Variants in BPTF observed in about 807,000 individuals in gnomAD.
BPTF encodes the protein bromodomain PHD finger transcription factor, also known as nucleosome-remodeling factor subunit BPTF.
In BPTF, 18 loss-of-function variants were observed where a neutral mutation model predicts 292.5. The ratio of observed to expected loss-of-function variants is 0.06; its 90% CI spans 0.04 to 0.09. The LOEUF is 0.09. BPTF is among the 10% of genes least tolerant of loss of function. The pLI is 1.00. For synonymous variants in BPTF, 1,225 were observed against 1,251.9 expected, an observed-to-expected ratio of 0.98 and a Z score of 0.45; for missense variants, 2,726 against 3,498.7, an observed-to-expected ratio of 0.78 and a Z score of 5.57.
At chr17:67,963,252 T>C (rs1450063626) in intron 24 of BPTF, 26 of 1,386,868 alleles carry the variant, frequency 1.9e-5, no homozygotes, top group Non-Finnish European at 2.0e-5. Context: ...AAAAAGTGAA[T>C]CAAGGCAGGG....
intron 3 of BPTF, among the ~76,000 whole-genome samples, chr17:67,874,479 A>G (rs996739210): frequency 8.5e-5 from 13 of 152,160 alleles, no homozygotes; most frequent in African/African-American, 2.9e-4. Context: ...CTGTGGGTCT[A>G]TGTCAGCTTG....
chr17:67,937,068 A>G (rs2064970397), intron 18 of BPTF, among the ~76,000 whole-genome samples: 1 of 152,224 alleles, frequency 6.6e-6, no homozygotes, highest in Non-Finnish European at 1.5e-5. Flanking sequence ...AGTCTAGTGG[A>G]AAAGGTAGAT....
intron 9 of BPTF, among the ~76,000 whole-genome samples, chr17:67,907,266 T>C (rs1482705030): frequency 6.6e-6 from 1 of 151,772 alleles, no homozygotes; most frequent in Non-Finnish European, 1.5e-5. Context: ...ATTTTTTTTT[T>C]TTTTTTGTAA....
At chr17:67,895,222 A>T (rs758880028) in intron 7 of BPTF, among the ~76,000 whole-genome samples, 1 of 150,816 alleles carries the variant, frequency 6.6e-6, no homozygotes, top group Non-Finnish European at 1.5e-5. Flanking sequence ...AGTCCCAGGT[A>T]CTCGGGAGGC....
In BPTF at chr17:67,912,188, A is replaced by G. The variant is rs763071931; in HGVS notation, c.4304A>G (p.Asn1435Ser). The G allele has an allele frequency of 1.2e-6, 2 of 1,610,892 alleles. No individual in the cohort carries two copies. Among genetic ancestry groups the G allele is most frequent in the Admixed American group, 1.7e-5 (1 of 59,622 alleles). Residue 1435 changes from asparagine (N) to serine (S), a missense_variant, in exon 11 of 28, where the codon AAT becomes AGT. Physicochemically the swap from Asn to Ser is conservative, Grantham distance 46. Coordinates refer to ENST00000306378, the MANE Select transcript of BPTF (RefSeq NM_182641.4). ...TCTGAGAGTAGAGTAGTAAGTGGTA[A>G]TGTTGAACCAAAGGTTAATAATATA... ...EISESRVVSG[N>S]VEPKVNNINK... is the part of the protein sequence containing the mutation.
In BPTF at chr17:67,975,650, G is replaced by A; in HGVS notation, c.8540-122G>A. 4 of 786,298 alleles carry A rather than the reference G, an allele frequency of 5.1e-6. No homozygotes were observed. The Admixed American group carries it at 1.0e-4, about 21-fold the overall frequency. The allele number at this position is 786,298 out of a possible 1,614,324, so 48.7% of individuals were successfully genotyped here. A position where few individuals can be genotyped will look rare whatever the true frequency, so the allele number is the denominator to read the frequency against. The stretch of plus-strand genomic sequence containing the variant: ...TGAATTGCAAAATAACCTCCAGGGT[G>A]AACCAGCCTGGCTCCAGGACTGCTT... On this transcript the variant is annotated intron_variant, in intron 26 of 27. Transcript: ENST00000306378.
chr17:67,933,788 G>A (rs2064647294), intron 18 of BPTF, among the ~76,000 whole-genome samples: 1 of 152,164 alleles, frequency 6.6e-6, no homozygotes, highest in Admixed American at 6.5e-5. Context: ...CCCAGGCGCA[G>A]TGGCTCATGC....
In BPTF at chr17:67,928,369, G is replaced by T. The variant is rs1381431093; in HGVS notation, c.5766G>T (p.Gln1922His). Residue 1922 changes from glutamine to histidine, a missense_variant, in exon 16 of 28, where the codon CAG (glutamine) becomes CAT (histidine). By Grantham distance (24) the Gln-to-His change is conservative (BLOSUM62 0). Transcript: ENST00000306378. ...VEQQAKKRLE[Q>H]QKPTVIATST... ...CACTTTTTTAGAAACGACTGGAGCA[G>T]CAGAAGCCGACAGTGATTGCAACTT... 6.2e-7 allele frequency: 1 copy of T among 1,611,570 alleles called. No individual in the cohort carries two copies.
At chr17:67,883,239 C>A (rs1431929511) in intron 4 of BPTF, among the ~76,000 whole-genome samples, 1 of 151,344 alleles carries the variant, frequency 6.6e-6, no homozygotes, top group Non-Finnish European at 1.5e-5. Flanking sequence ...TCGCTTGAAC[C>A]CAGGAGGCAG....
At chr17:67,832,783 CTTTT>C (rs60751133) in intron 1 of BPTF, among the ~76,000 whole-genome samples, 2 of 101,640 alleles carry the variant, frequency 2.0e-5, no homozygotes, top group Admixed American at 1.2e-4. Flanking sequence ...TGATTCGCCT[CTTTT>C]TTTTTTTTTT....
chr17:67,943,809 TATAAGATTATTTAAAATCAGA>T (rs2065585542), intron 19 of BPTF, among the ~76,000 whole-genome samples: 1 of 152,190 alleles, frequency 6.6e-6, no homozygotes. Flanking sequence ...AAAATATGAA[TATAAGATTATTTAAAATCAGA>T]ATTTTGTGGG....
chr17:67,950,006 A>G (rs1367116189), intron 23 of BPTF, among the ~76,000 whole-genome samples: 1 of 141,728 alleles, frequency 7.1e-6, no homozygotes, highest in Non-Finnish European at 1.5e-5. Context: ...GTGAGCCAAG[A>G]TCGCACCACT....
At chr17:67,866,311 C>G (rs2145462035) in intron 2 of BPTF, among the ~76,000 whole-genome samples, 153 bp from the exon 3 acceptor site, 1 of 152,070 alleles carries the variant, frequency 6.6e-6, no homozygotes, top group Admixed American at 6.5e-5. Flanking sequence ...CAGAGTAAAT[C>G]AAGTTTGAGT....
Position 67,975,884 on chromosome 17 carries a change from C to G in BPTF, c.8652C>G (p.Asp2884Glu). 3 of 1,614,004 alleles carry G rather than the reference C, an allele frequency of 1.9e-6. No individual in the cohort carries two copies. Among genetic ancestry groups the G allele is most frequent in the Non-Finnish European group, 2.5e-6 (3 of 1,179,986 alleles). The change falls in exon 27 of 28, where the codon GAC becomes GAG. Residue 2884 changes from aspartate (D) to glutamate (E), a missense_variant. Around this residue, in one of 22 missense-constraint regions of BPTF, gnomAD observed 27 missense variants for 66.1 expected, o/e 0.41. Coordinates refer to ENST00000306378, the MANE Select transcript of BPTF (RefSeq NM_182641.4). ...FDNCRYYNPS[D>E]SPFYQCAEVL... ...ACTGTCGTTACTACAATCCAAGTGA[C>G]TCCCCATTTTACCAGTGTGCAGAAG...
chr17:67,922,410 A>G (rs574938057), intron 13 of BPTF, among the ~76,000 whole-genome samples: 1 of 152,334 alleles, frequency 6.6e-6, no homozygotes, highest in East Asian at 1.9e-4. Flanking sequence ...AGGGAAACAC[A>G]TGTTGTACAC....
intron 7 of BPTF, among the ~76,000 whole-genome samples, chr17:67,895,749 AT>A (rs952380495): frequency 6.6e-6 from 1 of 152,104 alleles, no homozygotes; most frequent in Non-Finnish European, 1.5e-5. Context: ...GTTGTGATAC[AT>A]TTCTGATAAG....
At chr17:67,956,926 T>C (rs1436561423) in intron 23 of BPTF, 3 of 151,886 alleles carry the variant, frequency 2.0e-5, no homozygotes, top group Non-Finnish European at 2.9e-5. Flanking sequence ...ATCGCACCAC[T>C]GCACTCCAGC....
At chr17:67,857,275 C>G (rs2058753002) in intron 2 of BPTF, among the ~76,000 whole-genome samples, 1 of 150,586 alleles carries the variant, frequency 6.6e-6, no homozygotes, top group Admixed American at 6.7e-5. Flanking sequence ...CATTCTCCTG[C>G]CTCAACCTCC....
chr17:67,886,455 G>T, intron 4 of BPTF: 3 of 524,104 alleles, frequency 5.7e-6, no homozygotes, highest in South Asian at 4.8e-5. Context: ...GGTGGGGGGT[G>T]GAATTTAGAT....
Sources: allele counts gnomAD v4.1 joint callset (sites outside exome capture counted in the v4.1 genomes callset), GRCh38; gene constraint gnomAD v4.1.1; regional missense constraint gnomAD v4.1.1; transcripts MANE v1.5; gene names NCBI Gene and HGNC (gene_info 2026-07-23, HGNC 2026-07-21).